GABRG3: variants seen among roughly 807,000 people sequenced by gnomAD.
The protein encoded by GABRG3 is gamma-aminobutyric acid receptor subunit gamma-3.
A neutral mutation model predicts 48.8 loss-of-function variants in GABRG3; 25 were observed. That is an observed-to-expected ratio of 0.51 (90% CI 0.37 to 0.72). The LOEUF is 0.72. GABRG3 is among the 30% of genes least tolerant of loss of function. The probability of loss-of-function intolerance (pLI) is 0.00; values close to 1 mark genes in which losing one functional copy is unlikely to be tolerated. For missense variants in GABRG3, 394 were observed against 577.9 expected (o/e 0.68, Z 3.26); for synonymous variants, 227 against 217.6 (o/e 1.04, Z -0.38).
chr15:27,313,319 C>T (rs1423496575), intron 3 of GABRG3, among the ~76,000 whole-genome samples: 4 of 85,838 alleles, frequency 4.7e-5, no homozygotes, highest in African/African-American at 1.7e-4. Flanking sequence ...TACCCAACAT[C>T]AGCACACCAA....
At chr15:27,173,241 A>G (rs1316410841) in intron 3 of GABRG3, among the ~76,000 whole-genome samples, 1 of 152,116 alleles carries the variant, frequency 6.6e-6, no homozygotes, top group Non-Finnish European at 1.5e-5. Flanking sequence ...ATTTATTTCA[A>G]AATGTTCTGG....
chr15:27,483,332 T>C (rs1890143478), intron 6 of GABRG3: 1 of 152,226 alleles, frequency 6.6e-6, no homozygotes, highest in Non-Finnish European at 1.5e-5. Context: ...TCTGTTCTAT[T>C]GTCTTCTCCC....
At chr15:27,054,658 C>T (rs944404101) in intron 3 of GABRG3, among the ~76,000 whole-genome samples, 2 of 152,134 alleles carry the variant, frequency 1.3e-5, no homozygotes, top group African/African-American at 4.8e-5. Flanking sequence ...GCTGCAGATC[C>T]GTCAGATGGA....
chr15:27,012,726 A>T (rs1411799208), intron 2 of GABRG3, among the ~76,000 whole-genome samples: 1 of 152,144 alleles, frequency 6.6e-6, no homozygotes, highest in Non-Finnish European at 1.5e-5. Flanking sequence ...ACTATAAAAA[A>T]CAGCTGGTTT....
intron 3 of GABRG3, among the ~76,000 whole-genome samples, chr15:27,231,800 T>C (rs1889809201): frequency 6.6e-6 from 1 of 152,246 alleles, no homozygotes; most frequent in Non-Finnish European, 1.5e-5. Context: ...TATTGATTTT[T>C]CCACAGTTAT....
chr15:27,399,612 G>C (rs1376482255), intron 5 of GABRG3, among the ~76,000 whole-genome samples: 1 of 152,212 alleles, frequency 6.6e-6, no homozygotes, highest in East Asian at 1.9e-4. Flanking sequence ...GTTTTCTAAA[G>C]AGACTGACTA....
At chr15:27,463,381 T>C (rs1005749088) in intron 5 of GABRG3, among the ~76,000 whole-genome samples, 2 of 152,230 alleles carry the variant, frequency 1.3e-5, no homozygotes, top group Admixed American at 6.5e-5. Flanking sequence ...TAATTTGGTA[T>C]GTAAATATTT....
intron 3 of GABRG3, among the ~76,000 whole-genome samples, chr15:27,243,334 G>C (rs995328021): frequency 1.7e-4 from 26 of 152,178 alleles, no homozygotes; most frequent in Non-Finnish European, 2.8e-4. Context: ...GGAACTTGCT[G>C]TATCAAGGGG....
rs142730648 is a variant in GABRG3, at chr15:27,124,907, G to A, written c.270+98086G>A. On this transcript the variant is annotated intron_variant, in intron 3 of 9. Transcript: ENST00000615808. ...GCTGCTGAGACTACCTGTTTGATGT[G>A]TTATAATTACATTCACTCTAATTAT... Among the ~76,000 whole-genome samples the A allele has an allele frequency of 2.6e-5, 4 of 152,288 alleles. No individual in the cohort carries two copies. In the East Asian group the frequency reaches 5.8e-4, roughly 22 times the overall value.
chr15:27,392,181 A>C (rs1887153254), intron 5 of GABRG3, among the ~76,000 whole-genome samples: 1 of 152,218 alleles, frequency 6.6e-6, no homozygotes, highest in Non-Finnish European at 1.5e-5. Flanking sequence ...TTCATAACCC[A>C]GTATTGATAT....
intron 5 of GABRG3, among the ~76,000 whole-genome samples, chr15:27,478,662 C>T (rs140177444): frequency 3.2e-4 from 48 of 152,242 alleles, no homozygotes; most frequent in Admixed American, 5.2e-4. Flanking sequence ...ACCAAGAGAA[C>T]TGAAAACATA....
intron 3 of GABRG3, among the ~76,000 whole-genome samples, chr15:27,080,742 C>T (rs1896979042): frequency 6.6e-6 from 1 of 152,226 alleles, no homozygotes; most frequent in African/African-American, 2.4e-5. Flanking sequence ...GCCCTCTGTC[C>T]ACATTCTTCT....
rs376227365 is a variant in GABRG3 at position 27,180,774 on chromosome 15, T to G, written c.271-146035T>G. 2.6e-5 allele frequency among the ~76,000 whole-genome samples: 4 copies of G among 152,316 alleles called. No homozygotes were observed. In the East Asian group the frequency reaches 7.7e-4, roughly 29 times the overall value. On this transcript the variant is annotated intron_variant, in intron 3 of 9. Transcript: ENST00000615808. This position sits in a 1 kb window ranked among gnomAD's most constrained non-coding sequence, Gnocchi z 4.2. ...TGATACCTCCTGGCCCTAAATCCAC[T>G]GACTAATGCTCTTATCCACTCACAT... is the stretch of plus-strand genomic sequence containing the variant.
At chr15:27,380,425 GT>G (rs142157061) in intron 5 of GABRG3, among the ~76,000 whole-genome samples, 68 of 145,598 alleles carry the variant, frequency 4.7e-4, no homozygotes, top group Admixed American at 1.4e-3. Context: ...TGTGTGTGTG[GT>G]TTTTTTTTTG....
At chr15:27,150,492 G>A (rs1173601690) in intron 3 of GABRG3, among the ~76,000 whole-genome samples, 1 of 152,194 alleles carries the variant, frequency 6.6e-6, no homozygotes, top group Non-Finnish European at 1.5e-5. Flanking sequence ...AAAAAAATGT[G>A]AAGGTGGGCT....
At chr15:27,005,605 CA>C (rs1895569485) in intron 2 of GABRG3, among the ~76,000 whole-genome samples, 1 of 152,102 alleles carries the variant, frequency 6.6e-6, no homozygotes, top group Non-Finnish European at 1.5e-5. Flanking sequence ...CACGTTGCTG[CA>C]AAGGACAGAA....
At chr15:27,146,417 A>G (rs1595550902) in intron 3 of GABRG3, among the ~76,000 whole-genome samples, 1 of 152,182 alleles carries the variant, frequency 6.6e-6, no homozygotes, top group African/African-American at 2.4e-5. Context: ...AGATTGTGCC[A>G]CTGCACTCCA....
chr15:27,374,603 C>A (rs149884325), intron 5 of GABRG3, among the ~76,000 whole-genome samples: 1 of 152,274 alleles, frequency 6.6e-6, no homozygotes, highest in Non-Finnish European at 1.5e-5. Context: ...AGAGCAGAAC[C>A]TGTAGCAAGC....
At chr15:27,209,359 C>T (rs1186502789) in intron 3 of GABRG3, among the ~76,000 whole-genome samples, 1 of 151,714 alleles carries the variant, frequency 6.6e-6, no homozygotes, top group East Asian at 1.9e-4. Context: ...TCCTTCCTTC[C>T]TTCCTTCCTT....
Sources: allele counts gnomAD v4.1 joint callset (sites outside exome capture counted in the v4.1 genomes callset), GRCh38; gene constraint gnomAD v4.1.1; non-coding constraint Gnocchi (gnomAD v3.1); transcripts MANE v1.5; gene names NCBI Gene and HGNC (gene_info 2026-07-23, HGNC 2026-07-21).